The following DDX4 variants were observed in gnomAD, a reference collection of about 807,000 sequenced individuals.
DDX4 encodes DEAD-box helicase 4.
Under a neutral mutation model 100.0 loss-of-function variants are expected in DDX4, and 25 were observed. The ratio of observed to expected loss-of-function variants is 0.25; its 90% CI spans 0.18 to 0.35. DDX4 has a LOEUF of 0.35. DDX4 is among the 10% of genes least tolerant of loss of function. The pLI is 1.00. For missense variants in DDX4, 635 were observed against 882.4 expected (o/e 0.72, Z 3.55); for synonymous variants, 259 against 275.7 (o/e 0.94, Z 0.60).
rs1760025440 is a variant in DDX4, at chr5:55,757,744, A to C, written c.128-2456A>C. Reference sequence around the variant, plus strand: ...AAGCTTAATGTTTTGAACCACCACTAATTTTAAGAACATTACCCACCGGGC... The same window carrying C: ...AAGCTTAATGTTTTGAACCACCACTCATTTTAAGAACATTACCCACCGGGC... On this transcript the variant is annotated intron_variant, in intron 3 of 21. Transcript: ENST00000505374. 1.3e-5 allele frequency among the ~76,000 whole-genome samples: 2 copies of C among 152,044 alleles called. 1 individual carries two copies. The highest frequency in any genetic ancestry group is 4.2e-4 in the South Asian group (2 of 4,816).
At chr5:55,796,881 G>A (rs1217475489) in intron 17 of DDX4, among the ~76,000 whole-genome samples, 3 of 109,952 alleles carry the variant, frequency 2.7e-5, no homozygotes, top group Non-Finnish European at 5.1e-5. Flanking sequence ...CACTCTTCTC[G>A]CCCAGGCTGA....
chr5:55,759,398 C>T (rs1227652228), intron 3 of DDX4, among the ~76,000 whole-genome samples: 1 of 151,638 alleles, frequency 6.6e-6, no homozygotes, highest in African/African-American at 2.4e-5. Context: ...AAATACGTCA[C>T]CAAATGGGAT....
chr5:55,769,220 G>A (rs547570735), intron 7 of DDX4, among the ~76,000 whole-genome samples: 76 of 152,140 alleles, frequency 5.0e-4, no homozygotes, highest in Non-Finnish European at 9.1e-4. Context: ...GTATTTTGTA[G>A]GTTATCTCCA....
At chr5:55,760,111 T>C (rs1760224205) in intron 3 of DDX4, 89 bp from the exon 4 acceptor site, 3 of 1,429,366 alleles carry the variant, frequency 2.1e-6, no homozygotes, top group Non-Finnish European at 2.8e-6. Flanking sequence ...AAATTTCTCC[T>C]TTGCCACATG....
In DDX4 at chr5:55,753,490, T is replaced by G. The variant is rs554826816; in HGVS notation, c.128-6710T>G. Among the ~76,000 whole-genome samples the G allele has an allele frequency of 2.1e-4, 32 of 152,164 alleles. No individual in the cohort carries two copies. In the East Asian group the frequency reaches 3.3e-3, roughly 16 times the overall value. On this transcript the variant is annotated intron_variant, in intron 3 of 21. Coordinates refer to ENST00000505374, the MANE Select transcript of DDX4 (RefSeq NM_024415.3). ...AAAGATCAGATAGTTGTAGATATGC[T>G]GCGTTATTTCTGAGGGCTCTGTTCT...
chr5:55,760,348 A>G (rs1439478832), intron 4 of DDX4, 71 bp downstream of exon 4: 1 of 1,439,478 alleles, frequency 6.9e-7, no homozygotes, highest in Non-Finnish European at 9.2e-7. Flanking sequence ...TTTCATGGCC[A>G]TTTGGTACAA....
intron 15 of DDX4, 45 bp downstream of exon 15, chr5:55,788,045 A>C: frequency 6.5e-7 from 1 of 1,529,446 alleles, no homozygotes; most frequent in East Asian, 2.3e-5. Flanking sequence ...TTTTCTTTAG[A>C]GATTTTTTTC....
At chr5:55,796,640 C>G (rs1464321257) in intron 17 of DDX4, among the ~76,000 whole-genome samples, 1 of 152,028 alleles carries the variant, frequency 6.6e-6, no homozygotes, top group Non-Finnish European at 1.5e-5. Flanking sequence ...TTCTAGTCTA[C>G]TAGAGCTATT....
intron 6 of DDX4, 65 bp downstream of exon 6, chr5:55,764,129 A>G: frequency 8.2e-7 from 1 of 1,215,836 alleles, no homozygotes; most frequent in Non-Finnish European, 1.2e-6. Flanking sequence ...AAGAGAAATT[A>G]AGATTAAGTC....
intron 7 of DDX4, chr5:55,773,332 C>T (rs1741365809): frequency 6.6e-6 from 1 of 152,236 alleles, no homozygotes; most frequent in Admixed American, 6.5e-5. Context: ...TTTGGGCTAT[C>T]ATGGCTAATG....
At chr5:55,772,634 T>C (rs557970633) in intron 7 of DDX4, among the ~76,000 whole-genome samples, 4 of 152,302 alleles carry the variant, frequency 2.6e-5, no homozygotes, top group East Asian at 1.9e-4. Flanking sequence ...AGATCTCTCA[T>C]GAATAGACCT....
intron 17 of DDX4, among the ~76,000 whole-genome samples, chr5:55,796,823 CTT>C (rs3990072): frequency 1.6e-3 from 95 of 59,918 alleles, no homozygotes; most frequent in Middle Eastern, 0.017. Flanking sequence ...TTCTTTCTTT[CTT>C]TTTTTTTTTT....
At chr5:55,761,341 A>G (rs978393264) in intron 4 of DDX4, among the ~76,000 whole-genome samples, 34 of 152,080 alleles carry the variant, frequency 2.2e-4, no homozygotes, top group African/African-American at 3.1e-4. Context: ...TTAAAATTAT[A>G]TTTTAGTAGA....
Position 55,792,841 on chromosome 5 carries a change from A to C in DDX4, c.1469+34A>C, listed in dbSNP as rs143816807. On this transcript the variant is annotated intron_variant, in intron 17 of 21. Transcript: ENST00000505374. ...TTTTTCTTAAAAATAATTTAATTAT[A>C]TATATATACATACTTTTATCAAAGT... 1.4e-3 allele frequency: 1,652 copies of C among 1,154,416 alleles called. 4 individuals carry two copies. Among genetic ancestry groups the C allele is most frequent in the African/African-American group, 5.2e-3 (321 of 62,150 alleles). 71.5% of individuals were successfully genotyped at this position (1,154,416 alleles called of 1,614,324 possible).
chr5:55,788,406 T>C lies in DDX4; in HGVS notation c.1172+406T>C, dbSNP rs566807300. On this transcript the variant is annotated intron_variant, in intron 15 of 21. Coordinates refer to ENST00000505374, the MANE Select transcript of DDX4 (RefSeq NM_024415.3). ...CAGAAGGATTGTTTGAGTCCAGGAG[T>C]TTGAGGCTGCAGTGAACTGTGATTG... Among the ~76,000 whole-genome samples the C allele has an allele frequency of 9.1e-4, 138 of 152,096 alleles. No homozygotes were observed. In the Middle Eastern group the frequency reaches 0.01, roughly 11 times the overall value.
At chr5:55,793,056 T>TG (rs1561507781) in intron 17 of DDX4, among the ~76,000 whole-genome samples, 3 of 136,330 alleles carry the variant, frequency 2.2e-5, no homozygotes, top group Non-Finnish European at 3.3e-5. Flanking sequence ...GTGTGTGTGT[T>TG]TGTGTGTGTT....
intron 4 of DDX4, among the ~76,000 whole-genome samples, chr5:55,762,392 A>G (rs1384489642): frequency 1.3e-5 from 2 of 152,178 alleles, no homozygotes; most frequent in Non-Finnish European, 2.9e-5. Flanking sequence ...AGGTACAGAT[A>G]GTATGCTGTG....
intron 17 of DDX4, 83 bp from the exon 18 acceptor site, chr5:55,798,343 A>G (rs1387528761): frequency 7.1e-7 from 1 of 1,415,066 alleles, no homozygotes. Flanking sequence ...TAATATTGAG[A>G]TAACACCTAC....
chr5:55,775,698 G>T (rs1000620205), intron 7 of DDX4, among the ~76,000 whole-genome samples: 3 of 150,654 alleles, frequency 2.0e-5, no homozygotes, highest in Non-Finnish European at 2.9e-5. Context: ...TTATACAAAG[G>T]TTAGAGGATT....
Sources: gnomAD v4.1 joint callset for allele counts (sites outside exome capture counted in the v4.1 genomes callset) on GRCh38, gnomAD v4.1.1 for gene constraint, MANE v1.5 for transcripts, NCBI Gene and HGNC (gene_info 2026-07-23, HGNC 2026-07-21) for gene names.